The following PDE6A variants were observed in gnomAD, a reference collection of about 807,000 sequenced individuals.
The protein encoded by PDE6A is phosphodiesterase 6A.
In PDE6A, 84 loss-of-function variants were observed where a neutral mutation model predicts 106.3. The observed-to-expected ratio is 0.79, with a 90% confidence interval of 0.66 to 0.95. The LOEUF is 0.95. Ranked by LOEUF, PDE6A falls within the 40% of genes least tolerant of loss-of-function variation. The pLI, the probability that PDE6A is intolerant of heterozygous loss-of-function variation, is 0.00. For synonymous variants in PDE6A, 394 were observed against 386.6 expected, an observed-to-expected ratio of 1.02 and a Z score of -0.23; for missense variants, 1,052 against 1,084.9, an observed-to-expected ratio of 0.97 and a Z score of 0.43.
intron 5 of PDE6A, among the ~76,000 whole-genome samples, chr5:149,920,645 C>A (rs1753677520): frequency 6.6e-6 from 1 of 152,120 alleles, no homozygotes; most frequent in Admixed American, 6.5e-5. Context: ...AAGGAGGTAG[C>A]TGCTACTCAG....
chr5:149,876,048 A>G (rs148116106), intron 17 of PDE6A, among the ~76,000 whole-genome samples: 30 of 152,304 alleles, frequency 2.0e-4, no homozygotes, highest in African/African-American at 7.2e-4. Flanking sequence ...ATCGATTTTC[A>G]TAATTACTTG....
At position 149,889,081 on chromosome 5, in the gene PDE6A, C is replaced by CAAAAAAAAAAAAA. The variant is rs568428704; in HGVS notation, c.1729-2720_1729-2708dup. 2.0e-3 allele frequency among the ~76,000 whole-genome samples: 125 copies of CAAAAAAAAAAAAA among 61,556 alleles called. 13 individuals carry two copies. The highest frequency in any genetic ancestry group is 7.1e-3 in the African/African-American group (100 of 14,040). 40.4% of individuals were successfully genotyped at this position (61,556 alleles called of 152,430 possible). ...TGGGCGACAGAGTGAGACTCTGTCT[C>CAAAAAAAAAAAAA]AAAAAAAAAAAAAAAAAGATCAGAA... On this transcript the variant is annotated intron_variant, in intron 13 of 21. Coordinates refer to ENST00000255266, the MANE Select transcript of PDE6A (RefSeq NM_000440.3).
chr5:149,880,231 G>A (rs1299200433), intron 17 of PDE6A, among the ~76,000 whole-genome samples: 2 of 151,912 alleles, frequency 1.3e-5, no homozygotes, highest in Non-Finnish European at 2.9e-5. Flanking sequence ...TTGTTTGTTG[G>A]TTGGTTGCTT....
intron 1 of PDE6A, among the ~76,000 whole-genome samples, chr5:149,941,937 TCCTTG>T (rs1159070145): frequency 6.6e-6 from 1 of 152,136 alleles, no homozygotes; most frequent in Non-Finnish European, 1.5e-5. Flanking sequence ...AGCTTTCCTT[TCCTTG>T]CCTTGCCTTG....
chr5:149,940,310 A>C (rs1401473011), intron 1 of PDE6A, among the ~76,000 whole-genome samples: 1 of 152,192 alleles, frequency 6.6e-6, no homozygotes, highest in Non-Finnish European at 1.5e-5. Context: ...AAGGGAGAAT[A>C]GACTCCAGTC....
chr5:149,935,441 C>A (rs897914242), intron 1 of PDE6A, among the ~76,000 whole-genome samples: 2 of 152,190 alleles, frequency 1.3e-5, no homozygotes, highest in Non-Finnish European at 2.9e-5. Context: ...GTAGATATCC[C>A]CATTCTACGA....
At chr5:149,919,243 G>A (rs916784966) in intron 5 of PDE6A, among the ~76,000 whole-genome samples, 2 of 151,992 alleles carry the variant, frequency 1.3e-5, no homozygotes, top group East Asian at 1.9e-4. Context: ...GCGGTGGCTC[G>A]CGCCTGTAAT....
intron 4 of PDE6A, among the ~76,000 whole-genome samples, chr5:149,928,668 A>G (rs545339265): frequency 6.6e-6 from 1 of 152,290 alleles, no homozygotes; most frequent in African/African-American, 2.4e-5. Flanking sequence ...TTATAATTCT[A>G]TGGGACCATG....
intron 12 of PDE6A, 100 bp downstream of exon 12, chr5:149,896,256 T>C: frequency 1.0e-6 from 1 of 980,746 alleles, no homozygotes; most frequent in South Asian, 1.4e-5. Context: ...ATACTGAGAG[T>C]AAACTCTTTT....
chr5:149,906,329 C>A (rs1753178167), intron 7 of PDE6A, among the ~76,000 whole-genome samples: 2 of 151,258 alleles, frequency 1.3e-5, no homozygotes, highest in South Asian at 4.2e-4. Flanking sequence ...TGTTCGAAAC[C>A]AGCCTGGCTA....
chr5:149,898,345 G>C lies in PDE6A; in HGVS notation c.1407+18C>G, dbSNP rs144188232. ...GCAGTCTGTATTAGAGTAGAAACAA[G>C]TAAAGAACATTACACACCAAGATTT... On this transcript the variant is annotated intron_variant, in intron 10 of 21. Coordinates refer to ENST00000255266, the MANE Select transcript of PDE6A (RefSeq NM_000440.3). The C allele has an allele frequency of 1.7e-4, 268 of 1,611,856 alleles. No homozygotes were observed. In the African/African-American group the frequency reaches 3.3e-3, roughly 20 times the overall value.
chr5:149,925,527 C>T (rs995720795), intron 4 of PDE6A, among the ~76,000 whole-genome samples: 3 of 151,372 alleles, frequency 2.0e-5, no homozygotes, highest in African/African-American at 4.8e-5. Context: ...GCCAATATGA[C>T]GAAACCCCAT....
chr5:149,913,807 G>A (rs187770028), intron 6 of PDE6A, among the ~76,000 whole-genome samples: 28 of 152,262 alleles, frequency 1.8e-4, no homozygotes, highest in Middle Eastern at 3.4e-3. Context: ...AGGTAACTAG[G>A]TTTTTGAGAA....
chr5:149,909,900 G>C (rs1753321441), intron 6 of PDE6A, among the ~76,000 whole-genome samples: 1 of 152,078 alleles, frequency 6.6e-6, no homozygotes, highest in South Asian at 2.1e-4. Context: ...TTAGCTTTTT[G>C]TTACTGGCTT....
chr5:149,924,452 AAT>A (rs1753817951), intron 4 of PDE6A, among the ~76,000 whole-genome samples: 1 of 149,190 alleles, frequency 6.7e-6, no homozygotes, highest in Non-Finnish European at 1.5e-5. Flanking sequence ...TAGAAATAGA[AAT>A]ATATATATAT....
In PDE6A at chr5:149,903,596, T is replaced by C. The variant is rs1331536345; in HGVS notation, c.1113+52A>G. ...GATTCTAATGTATTCTAATGCTCTT[T>C]GGGGAGGAAAAAAAATCATATGACT... On this transcript the variant is annotated intron_variant, in intron 8 of 21. Transcript: ENST00000255266. 1.6e-5 allele frequency: 22 copies of C among 1,397,776 alleles called. No homozygotes were observed. In the East Asian group the frequency reaches 3.6e-4, roughly 23 times the overall value. 86.6% of individuals were successfully genotyped at this position (1,397,776 alleles called of 1,614,324 possible).
In PDE6A at chr5:149,859,199, A is replaced by G. The variant is rs1357654609; in HGVS notation, c.*1696T>C. 2 of 152,240 alleles carry G rather than the reference A, an allele frequency of 1.3e-5. No individual in the cohort carries two copies. The highest frequency in any genetic ancestry group is 4.8e-5 in the African/African-American group (2 of 41,466). 9.4% of individuals were successfully genotyped at this position (152,240 alleles called of 1,614,324 possible). On this transcript the variant is annotated 3_prime_UTR_variant, in exon 22 of 22. Coordinates refer to ENST00000255266, the MANE Select transcript of PDE6A (RefSeq NM_000440.3). The stretch of plus-strand genomic sequence containing the variant: ...AAGTTCTGGAATTGAGAATAATCTG[A>G]CTTAATTTATACTCTGTGAAATCAA...
chr5:149,898,276 A>G, intron 10 of PDE6A, 87 bp downstream of exon 10: 1 of 1,210,014 alleles, frequency 8.3e-7, no homozygotes, highest in Non-Finnish European at 1.2e-6. Context: ...CTGTGCCCTC[A>G]TGGAGTTGCA....
rs557968187 is a variant in PDE6A, at chr5:149,919,013, T to C, written c.933+2622A>G. On this transcript the variant is annotated intron_variant, in intron 5 of 21. Transcript: ENST00000255266. ...AAAGGTGGCTGCTTTCTAGAACACT[T>C]ATTTCCTAGGAGATAAGTTTCTGCC... is the stretch of plus-strand genomic sequence containing the variant. 3.3e-5 allele frequency among the ~76,000 whole-genome samples: 5 copies of C among 152,244 alleles called. No homozygotes were observed. The East Asian group carries it at 9.7e-4, about 29-fold the overall frequency.
Sources: gnomAD v4.1 joint callset for allele counts (sites outside exome capture counted in the v4.1 genomes callset) on GRCh38, gnomAD v4.1.1 for gene constraint, MANE v1.5 for transcripts, NCBI Gene and HGNC (gene_info 2026-07-23, HGNC 2026-07-21) for gene names.